Variants in ARHGAP15 observed in about 807,000 individuals in gnomAD.
ARHGAP15 encodes the protein rho GTPase-activating protein 15.
ARHGAP15 carries 51 observed loss-of-function variants against 63.7 expected under a neutral mutation model. The observed-to-expected ratio is 0.80, with a 90% CI of 0.64 to 1.01. The LOEUF (loss-of-function observed/expected upper bound fraction) is 1.01. ARHGAP15 is among the 50% of genes least tolerant of loss of function. The pLI is 0.00. For synonymous variants in ARHGAP15, 191 were observed against 193.8 expected (o/e 0.99, Z 0.12); for missense variants, 560 against 564.6 (o/e 0.99, Z 0.08).
intron 2 of ARHGAP15, among the ~76,000 whole-genome samples, chr2:143,188,613 C>CATTATT (rs143767405): frequency 0.033 from 4,604 of 140,776 alleles, 94 homozygotes; most frequent in African/African-American, 0.053. Context: ...ATTATTTTGT[C>CATTATT]ATTATTATTA....
At chr2:143,642,689 A>G (rs1334218146) in intron 12 of ARHGAP15, among the ~76,000 whole-genome samples, 1 of 152,122 alleles carries the variant, frequency 6.6e-6, no homozygotes, top group Non-Finnish European at 1.5e-5. Context: ...CTAGCAGCAC[A>G]ATGAATGATG....
At position 143,202,187 on chromosome 2, in the gene ARHGAP15, T is replaced by C. The variant is rs761284438; in HGVS notation, c.219T>C (p.Pro73=). 6.2e-7 allele frequency: 1 copy of C among 1,611,690 alleles called. No homozygotes were observed. The highest frequency in any genetic ancestry group is 8.5e-7 in the Non-Finnish European group (1 of 1,178,132). ...AGCATATCTTGAAAGATGTCATTCC[T>C]CCATTGGAACAACTGGTGAGTGTTT... The part of the protein sequence containing the change: ...HSQHILKDVI[P]PLEQLMVEKE... The change falls in exon 3 of 14, where the codon CCT becomes CCC. Residue 73 remains proline, a synonymous_variant. Transcript: ENST00000295095.
At chr2:143,373,076 A>G (rs1574350474) in intron 6 of ARHGAP15, among the ~76,000 whole-genome samples, 1 of 150,308 alleles carries the variant, frequency 6.7e-6, no homozygotes, top group East Asian at 2.0e-4. Context: ...AAAATAGCAC[A>G]TAATTACACA....
chr2:143,693,134 A>T (rs922522313), intron 12 of ARHGAP15, among the ~76,000 whole-genome samples: 1 of 152,152 alleles, frequency 6.6e-6, no homozygotes, highest in African/African-American at 2.4e-5. Context: ...GCAGCACACC[A>T]GCGTTCCTTC....
At chr2:143,136,304 TC>T (rs1476480803) in intron 1 of ARHGAP15, among the ~76,000 whole-genome samples, 1 of 152,104 alleles carries the variant, frequency 6.6e-6, no homozygotes, top group Non-Finnish European at 1.5e-5. Flanking sequence ...CTTTTTTTTT[TC>T]AGTCTAATAC....
chr2:143,353,782 C>T (rs1243160279), intron 6 of ARHGAP15, among the ~76,000 whole-genome samples: 1 of 152,044 alleles, frequency 6.6e-6, no homozygotes, highest in Non-Finnish European at 1.5e-5. Context: ...TTAGAATGTG[C>T]CAAGATTATC....
intron 8 of ARHGAP15, among the ~76,000 whole-genome samples, chr2:143,453,326 A>G (rs1290283393): frequency 1.3e-5 from 2 of 151,994 alleles, no homozygotes; most frequent in Non-Finnish European, 2.9e-5. Flanking sequence ...AGCTCTACAA[A>G]CTTTGAGCCA....
At chr2:143,507,321 G>T (rs77020475) in intron 9 of ARHGAP15, among the ~76,000 whole-genome samples, 1 of 151,954 alleles carries the variant, frequency 6.6e-6, no homozygotes, top group Non-Finnish European at 1.5e-5. Flanking sequence ...ACTGAACTCC[G>T]TACTTCCAGG....
At chr2:143,194,907 A>T (rs1453424139) in intron 2 of ARHGAP15, among the ~76,000 whole-genome samples, 1 of 152,178 alleles carries the variant, frequency 6.6e-6, no homozygotes, top group Non-Finnish European at 1.5e-5. Flanking sequence ...AATATTAAGG[A>T]GTTAGAATCA....
At chr2:143,147,081 G>A (rs1166341617) in intron 1 of ARHGAP15, among the ~76,000 whole-genome samples, 2 of 152,048 alleles carry the variant, frequency 1.3e-5, no homozygotes, top group African/African-American at 2.4e-5. Context: ...ACTGGGTCAA[G>A]CACTTTAAGA....
chr2:143,547,641 C>G (rs1156560691), intron 10 of ARHGAP15, among the ~76,000 whole-genome samples: 3 of 148,418 alleles, frequency 2.0e-5, no homozygotes, highest in Non-Finnish European at 3.0e-5. Flanking sequence ...AATAATGAGG[C>G]AAGACAGTGG....
intron 8 of ARHGAP15, among the ~76,000 whole-genome samples, chr2:143,444,330 T>C (rs187328684): frequency 6.6e-6 from 1 of 152,336 alleles, no homozygotes; most frequent in African/African-American, 2.4e-5. Context: ...CCTCAGAAAG[T>C]GTCCTTTTGT....
chr2:143,559,518 G>C (rs1285481924), intron 11 of ARHGAP15, among the ~76,000 whole-genome samples: 1 of 152,184 alleles, frequency 6.6e-6, no homozygotes, highest in Non-Finnish European at 1.5e-5. Context: ...TGGTAACTTT[G>C]TCCAAGTTGT....
At chr2:143,409,730 A>G (rs1316353394) in intron 6 of ARHGAP15, among the ~76,000 whole-genome samples, 2 of 152,152 alleles carry the variant, frequency 1.3e-5, no homozygotes, top group Non-Finnish European at 2.9e-5. Flanking sequence ...CCATTATGCT[A>G]CAATTGCCTG....
At chr2:143,593,448 T>C (rs1378920847) in intron 11 of ARHGAP15, 1 of 152,214 alleles carries the variant, frequency 6.6e-6, no homozygotes, top group East Asian at 1.9e-4. Flanking sequence ...GGCATTCACA[T>C]CTGGGAATTA....
intron 5 of ARHGAP15, among the ~76,000 whole-genome samples, chr2:143,249,470 T>C (rs1680029497): frequency 6.6e-6 from 1 of 152,142 alleles, no homozygotes; most frequent in African/African-American, 2.4e-5. Context: ...CTAATGTTCA[T>C]AATGTTAAAA....
chr2:143,180,625 C>T (rs770848293), intron 2 of ARHGAP15, among the ~76,000 whole-genome samples: 5 of 152,244 alleles, frequency 3.3e-5, no homozygotes, highest in East Asian at 3.9e-4. Flanking sequence ...GATCCATCAG[C>T]GGAATCACTG....
At chr2:143,189,405 T>C (rs1188225860) in intron 2 of ARHGAP15, among the ~76,000 whole-genome samples, 1 of 141,922 alleles carries the variant, frequency 7.0e-6, no homozygotes, top group East Asian at 1.9e-4. Flanking sequence ...TCATGTTAAA[T>C]TCTTTTTCCA....
chr2:143,155,629 A>G lies in ARHGAP15; in HGVS notation c.139A>G (p.Thr47Ala). ...CAGCCAAAGTAAATCCATGATCCTCACCGATGTCGGGAAGGTCACTGAACC... is the reference window on the plus strand; with the variant it reads ...CAGCCAAAGTAAATCCATGATCCTCGCCGATGTCGGGAAGGTCACTGAACC... ...RLSQSKSMILTDVGKVTEPIS... is the reference protein window; with the variant it reads ...RLSQSKSMILADVGKVTEPIS... The change falls in exon 2 of 14, where the codon ACC becomes GCC. Residue 47 changes from threonine to alanine, a missense_variant. By Grantham distance (58) the Thr-to-Ala change is moderately conservative. Coordinates refer to ENST00000295095, the MANE Select transcript of ARHGAP15 (RefSeq NM_018460.4). 3 of 1,583,770 alleles carry G rather than the reference A, an allele frequency of 1.9e-6. No individual in the cohort carries two copies. The highest frequency in any genetic ancestry group is 2.6e-6 in the Non-Finnish European group (3 of 1,168,792).
Sources: allele counts gnomAD v4.1 joint callset (sites outside exome capture counted in the v4.1 genomes callset), GRCh38; gene constraint gnomAD v4.1.1; transcripts MANE v1.5; gene names NCBI Gene and HGNC (gene_info 2026-07-23, HGNC 2026-07-21).